The following CNTNAP2 variants were observed in gnomAD, a reference collection of about 807,000 sequenced individuals.
The protein encoded by CNTNAP2 is contactin-associated protein-like 2.
Under a neutral mutation model 155.2 loss-of-function variants are expected in CNTNAP2, and 98 were observed. That is an observed-to-expected ratio of 0.63 (90% confidence interval 0.54 to 0.75). CNTNAP2 has a LOEUF of 0.75. Ranked by LOEUF, CNTNAP2 falls within the 30% of genes least tolerant of loss-of-function variation. CNTNAP2 has a pLI of 0.00. For synonymous variants in CNTNAP2, 651 were observed against 631.2 expected, an observed-to-expected ratio of 1.03 and a Z score of -0.47; for missense variants, 1,727 against 1,688.1, an observed-to-expected ratio of 1.02 and a Z score of -0.40.
chr7:146,821,929 C>A (rs1388550633), intron 2 of CNTNAP2, among the ~76,000 whole-genome samples: 1 of 151,314 alleles, frequency 6.6e-6, no homozygotes, highest in African/African-American at 2.4e-5. Flanking sequence ...CCTCAGGGAT[C>A]TAGAACTAGA....
intron 1 of CNTNAP2, among the ~76,000 whole-genome samples, chr7:146,124,316 AAC>A (rs1221331054): frequency 2.6e-5 from 4 of 152,120 alleles, no homozygotes; most frequent in African/African-American, 4.8e-5. Context: ...ACTAACAGAA[AAC>A]ACATGTGGAT....
At chr7:147,030,172 G>A (rs62484002) in intron 3 of CNTNAP2, among the ~76,000 whole-genome samples, 6,766 of 152,272 alleles carry the variant, frequency 0.044, 185 homozygotes, top group African/African-American at 0.067. Context: ...TGTTTACTGA[G>A]CTGAGGTTTG....
At chr7:146,580,737 T>C (rs1294504165) in intron 1 of CNTNAP2, among the ~76,000 whole-genome samples, 1 of 152,096 alleles carries the variant, frequency 6.6e-6, no homozygotes, top group African/African-American at 2.4e-5. Flanking sequence ...TGCTGATTTG[T>C]TTTGTGATAA....
chr7:146,425,696 T>G (rs1718101), intron 1 of CNTNAP2, among the ~76,000 whole-genome samples: 1 of 152,110 alleles, frequency 6.6e-6, no homozygotes, highest in African/African-American at 2.4e-5. Flanking sequence ...TAATTATTGA[T>G]TAACATTCTT....
chr7:147,491,280 T>C (rs1427416622), intron 11 of CNTNAP2, among the ~76,000 whole-genome samples: 1 of 152,026 alleles, frequency 6.6e-6, no homozygotes, highest in Non-Finnish European at 1.5e-5. Flanking sequence ...TTTTGATGCA[T>C]GCCCTGCACT....
chr7:147,588,742 T>A (rs1282755960), intron 12 of CNTNAP2, among the ~76,000 whole-genome samples: 1 of 152,126 alleles, frequency 6.6e-6, no homozygotes, highest in African/African-American at 2.4e-5. Context: ...CAACTGACAT[T>A]TATAGGAATT....
Position 148,267,051 on chromosome 7 carries a change from G to A in CNTNAP2, c.3400G>A (p.Val1134Met). ...IFLKLDHYPS[V>M]SYHLPSSSDT... ...CCTGCAGCTCGATCATTATCCTTCT[G>A]TGAGTTACCATCTGCCAAGTTCATC... Residue 1134 changes from valine to methionine, a missense_variant, in exon 21 of 24, where the codon GTG becomes ATG. Val to Met is a conservative substitution (Grantham distance 21, BLOSUM62 1). Coordinates refer to ENST00000361727, the MANE Select transcript of CNTNAP2 (RefSeq NM_014141.6). The A allele has an allele frequency of 6.2e-7, 1 of 1,614,130 alleles. No individual in the cohort carries two copies. Among genetic ancestry groups the A allele is most frequent in the Non-Finnish European group, 8.5e-7 (1 of 1,180,018 alleles).
intron 1 of CNTNAP2, among the ~76,000 whole-genome samples, chr7:146,355,411 G>C (rs766703449): frequency 2.6e-5 from 4 of 152,112 alleles, no homozygotes; most frequent in Non-Finnish European, 5.9e-5. Flanking sequence ...CAACCTTCTA[G>C]GCTTTATTTC....
At chr7:147,460,426 A>T (rs1003073733) in intron 10 of CNTNAP2, among the ~76,000 whole-genome samples, 2 of 152,102 alleles carry the variant, frequency 1.3e-5, no homozygotes, top group Non-Finnish European at 2.9e-5. Flanking sequence ...CCTACCTCCC[A>T]TCAAATCTGT....
intron 21 of CNTNAP2, among the ~76,000 whole-genome samples, chr7:148,309,489 G>A (rs1253997330): frequency 6.6e-6 from 1 of 152,202 alleles, no homozygotes; most frequent in Non-Finnish European, 1.5e-5. Flanking sequence ...TCACCTGGGT[G>A]CAGGCGGGCT....
intron 16 of CNTNAP2, among the ~76,000 whole-genome samples, chr7:148,134,050 A>G (rs1468937414): frequency 6.6e-6 from 1 of 152,186 alleles, no homozygotes; most frequent in Non-Finnish European, 1.5e-5. Flanking sequence ...ACCTCTCTCT[A>G]GAGAAATGAC....
chr7:146,505,279 C>T (rs906356399), intron 1 of CNTNAP2, among the ~76,000 whole-genome samples: 1 of 152,166 alleles, frequency 6.6e-6, no homozygotes, highest in South Asian at 2.1e-4. Flanking sequence ...AGGTGTGGGA[C>T]CATTCCACAA....
At position 147,621,229 on chromosome 7, in the gene CNTNAP2, C is replaced by T. The variant is rs184941186; in HGVS notation, c.1898-17877C>T. Among the ~76,000 whole-genome samples, 4 of 152,118 alleles carry T rather than the reference C, an allele frequency of 2.6e-5. No individual in the cohort carries two copies. The East Asian group carries it at 5.8e-4, about 22-fold the overall frequency. On this transcript the variant is annotated intron_variant, in intron 12 of 23. Transcript: ENST00000361727. ...CACCAGACCTGTCCTATGAGAAATG[C>T]TAAAGGGAGTACTTCAGTCCACAAG...
At chr7:147,225,433 C>T (rs574742242) in intron 8 of CNTNAP2, among the ~76,000 whole-genome samples, 14 of 152,110 alleles carry the variant, frequency 9.2e-5, no homozygotes, top group Non-Finnish European at 1.8e-4. Context: ...TTGTCCCTTT[C>T]GGTGTAGGGA....
At chr7:147,714,683 CCTTA>C (rs530305871) in intron 13 of CNTNAP2, among the ~76,000 whole-genome samples, 29 of 151,786 alleles carry the variant, frequency 1.9e-4, no homozygotes, top group Non-Finnish European at 1.9e-4. Flanking sequence ...TTATACACAC[CCTTA>C]CTTGTGCACG....
chr7:147,063,463 A>G (rs572890589), intron 4 of CNTNAP2, among the ~76,000 whole-genome samples: 1 of 152,274 alleles, frequency 6.6e-6, no homozygotes, highest in South Asian at 2.1e-4. Flanking sequence ...TGGACATTTT[A>G]TAGATGCATT....
In CNTNAP2 at chr7:147,043,278, AT is replaced by A. The variant is rs201244355; in HGVS notation, c.403-627del. Among the ~76,000 whole-genome samples, 543 of 152,184 alleles carry A rather than the reference AT, an allele frequency of 3.6e-3. 9 individuals carry two copies. The highest frequency in any genetic ancestry group is 0.014 in the Middle Eastern group (4 of 294). ...TGAGAGGAAAAAAATAAAAAATAAA[AT>A]TAAAAAAAAAGACAATGTGAACTTT... On this transcript the variant is annotated intron_variant, in intron 3 of 23. Transcript: ENST00000361727.
chr7:146,301,283 C>T (rs1452387017), intron 1 of CNTNAP2, among the ~76,000 whole-genome samples: 2 of 152,098 alleles, frequency 1.3e-5, no homozygotes, highest in African/African-American at 4.8e-5. Context: ...GAAGACTATT[C>T]CATAATTTCT....
chr7:147,296,699 A>G lies in CNTNAP2; in HGVS notation c.1349-3442A>G, dbSNP rs189013026. 1.1e-3 allele frequency among the ~76,000 whole-genome samples: 168 copies of G among 152,294 alleles called. 2 individuals carry two copies. In the East Asian group the frequency reaches 0.024, roughly 21 times the overall value. ...AAAAAGTAGACCCTGATATATGAAT[A>G]TGGGTGCATATTGTTTATTTGACAT... On this transcript the variant is annotated intron_variant, in intron 8 of 23. Transcript: ENST00000361727.
Sources: gnomAD v4.1 joint callset for allele counts (sites outside exome capture counted in the v4.1 genomes callset) on GRCh38, gnomAD v4.1.1 for gene constraint, MANE v1.5 for transcripts, NCBI Gene and HGNC (gene_info 2026-07-23, HGNC 2026-07-21) for gene names.